Variants in RTN1 observed in about 807,000 individuals in gnomAD.
RTN1 encodes reticulon 1, also known as reticulon-1.
Under a neutral mutation model 65.5 loss-of-function variants are expected in RTN1, and 25 were observed. The ratio of observed to expected loss-of-function variants is 0.38; its 90% CI spans 0.28 to 0.53. RTN1 has a LOEUF of 0.53. Among genes scored for constraint, RTN1 ranks in the 20% least tolerant of loss-of-function variants. RTN1 has a pLI of 0.79. For missense variants in RTN1, 983 were observed against 1,025.4 expected, an observed-to-expected ratio of 0.96 and a Z score of 0.57; for synonymous variants, 471 against 447.6, an observed-to-expected ratio of 1.05 and a Z score of -0.66.
chr14:59,661,259 C>CAAAAA (rs768483248), intron 3 of RTN1, among the ~76,000 whole-genome samples: 61 of 83,208 alleles, frequency 7.3e-4, no homozygotes, highest in East Asian at 7.5e-4. Flanking sequence ...GCCTACCAAC[C>CAAAAA]AAAAAAAAAA....
intron 1 of RTN1, among the ~76,000 whole-genome samples, chr14:59,795,961 A>G (rs1271308078): frequency 6.6e-6 from 1 of 152,208 alleles, no homozygotes; most frequent in African/African-American, 2.4e-5. Context: ...ATTATGTATT[A>G]ATCACCAACT....
At chr14:59,639,804 A>T (rs565459579) in intron 3 of RTN1, among the ~76,000 whole-genome samples, 1 of 152,150 alleles carries the variant, frequency 6.6e-6, no homozygotes, top group African/African-American at 2.4e-5. Context: ...GGATTTTTTT[A>T]TTTTTTTAAT....
intron 1 of RTN1, among the ~76,000 whole-genome samples, chr14:59,814,261 T>C (rs949524654): frequency 6.6e-6 from 1 of 152,190 alleles, no homozygotes; most frequent in African/African-American, 2.4e-5. Context: ...AGATCCAGCA[T>C]GGTCAAGAGC....
intron 3 of RTN1, among the ~76,000 whole-genome samples, chr14:59,655,155 C>T (rs1228701455): frequency 6.6e-6 from 1 of 152,138 alleles, no homozygotes; most frequent in Admixed American, 6.6e-5. Context: ...TATATCTATA[C>T]ACTAGCAGTG....
chr14:59,716,803 C>CA (rs958817485), intron 3 of RTN1, among the ~76,000 whole-genome samples: 2,016 of 122,246 alleles, frequency 0.016, 17 homozygotes, highest in Admixed American at 0.031. Flanking sequence ...TAAAAAAATA[C>CA]AAAAAAAAAA....
intron 3 of RTN1, among the ~76,000 whole-genome samples, chr14:59,682,674 A>C (rs936110437): frequency 3.9e-5 from 6 of 152,360 alleles, no homozygotes; most frequent in Admixed American, 3.3e-4. Flanking sequence ...CATAAAACAG[A>C]AACAATTGTC....
At chr14:59,664,752 C>T (rs1394686311) in intron 3 of RTN1, among the ~76,000 whole-genome samples, 3 of 152,132 alleles carry the variant, frequency 2.0e-5, no homozygotes, top group African/African-American at 7.2e-5. Flanking sequence ...ATTGTTTCAT[C>T]ATTCACCTGC....
chr14:59,727,721 A>G lies in RTN1; in HGVS notation c.1016-53T>C. 3.3e-6 allele frequency: 5 copies of G among 1,514,592 alleles called. No homozygotes were observed. The highest frequency in any genetic ancestry group is 4.4e-6 in the Non-Finnish European group (5 of 1,133,816). The allele number at this position is 1,514,592 out of a possible 1,614,324, so 93.8% of individuals were successfully genotyped here. On this transcript the variant is annotated intron_variant, in intron 2 of 8. Transcript: ENST00000267484. This position sits in a 1 kb window ranked among gnomAD's most constrained non-coding sequence, Gnocchi z 4.2. ...CACGGAGGCACACACACGGACAGAC[A>G]GATGGACAGAGAGAGGAGGGATAAA...
In RTN1 at chr14:59,825,151, C is replaced by T. The variant is rs1285993219; in HGVS notation, c.241+45239G>A. ...AGAGCTGTCCTGTGCATTGTAGAAT[C>T]TTTACCAACATCCCTAGCCTCTACC... On this transcript the variant is annotated intron_variant, in intron 1 of 8. Transcript: ENST00000267484. This position sits in a 1 kb window ranked among gnomAD's most constrained non-coding sequence, Gnocchi z 4.2. Among the ~76,000 whole-genome samples, 1 of 152,210 alleles carries T rather than the reference C, an allele frequency of 6.6e-6. No homozygotes were observed. The highest frequency in any genetic ancestry group is 1.5e-5 in the Non-Finnish European group (1 of 68,024).
intron 3 of RTN1, among the ~76,000 whole-genome samples, chr14:59,704,510 T>G (rs1039848897): frequency 3.9e-5 from 6 of 152,196 alleles, no homozygotes; most frequent in African/African-American, 1.4e-4. Flanking sequence ...AGCAAGCTTT[T>G]GGAGCTTCAA....
chr14:59,727,031 T>A lies in RTN1; in HGVS notation c.1653A>T (p.Pro551=). The change falls in exon 3 of 9, where the codon CCA becomes CCT. Residue 551 remains proline, a synonymous_variant. Transcript: ENST00000267484. This position sits in a 1 kb window ranked among gnomAD's most constrained non-coding sequence, Gnocchi z 4.2. ...GALEPETPML[P]RKPEEDSSSN... The stretch of plus-strand genomic sequence containing the variant: ...AACTCGAGTCTTCTTCAGGCTTCCG[T>A]GGCAACATGGGCGTCTCAGGCTCCA... 6.2e-7 allele frequency: 1 copy of A among 1,613,496 alleles called. No homozygotes were observed. Among genetic ancestry groups the A allele is most frequent in the East Asian group, 2.2e-5 (1 of 44,834 alleles).
intron 3 of RTN1, among the ~76,000 whole-genome samples, chr14:59,608,190 C>G (rs974119186): frequency 2.6e-5 from 4 of 152,186 alleles, no homozygotes; most frequent in African/African-American, 9.7e-5. Flanking sequence ...ACTGAAGGAT[C>G]TATGCAAATT....
intron 1 of RTN1, among the ~76,000 whole-genome samples, chr14:59,791,972 T>C (rs940785378): frequency 7.2e-5 from 11 of 152,034 alleles, no homozygotes; most frequent in Non-Finnish European, 1.5e-4. Flanking sequence ...AATGGGAGAC[T>C]TCTTAGATTT....
Position 59,870,458 on chromosome 14 carries a change from G to T in RTN1, c.173C>A (p.Ala58Glu). The T allele has an allele frequency of 6.7e-7, 1 of 1,493,104 alleles. No individual in the cohort carries two copies. Among genetic ancestry groups the T allele is most frequent in the Admixed American group, 2.3e-5 (1 of 43,758 alleles). 92.5% of individuals were successfully genotyped at this position (1,493,104 alleles called of 1,614,324 possible). ...SPGLGARAREAASREAGSGPA... is the reference protein window; with the variant it reads ...SPGLGARAREEASREAGSGPA... ...GCCCGAGCCGGCTTCCCGCGACGCCGCTTCCCGGGCCCTGGCGCCCAACCC... is the reference window on the plus strand; with the variant it reads ...GCCCGAGCCGGCTTCCCGCGACGCCTCTTCCCGGGCCCTGGCGCCCAACCC... Residue 58 changes from alanine to glutamate, a missense_variant, in exon 1 of 9, where the codon GCG becomes GAG. Ala to Glu is a moderately radical substitution (Grantham distance 107, BLOSUM62 -1). Around this residue, in one of 2 missense-constraint regions of RTN1, gnomAD observed 818 missense variants for 801.8 expected, o/e 1.02. Transcript: ENST00000267484. The surrounding 1 kb of genome is among the most constrained non-coding windows in gnomAD (Gnocchi z 5.1).
At chr14:59,611,201 C>T (rs947131861) in intron 3 of RTN1, among the ~76,000 whole-genome samples, 1 of 152,186 alleles carries the variant, frequency 6.6e-6, no homozygotes, top group African/African-American at 2.4e-5. Flanking sequence ...TGGGCAGTTA[C>T]AAATTTGGGG....
In RTN1 at chr14:59,758,251, C is replaced by T. The variant is rs116879675; in HGVS notation, c.242-11770G>A. On this transcript the variant is annotated intron_variant, in intron 1 of 8. Coordinates refer to ENST00000267484, the MANE Select transcript of RTN1 (RefSeq NM_021136.3). ...AAGTGTTCTCCAGCTTCCAGCCTCACCTCTTCTCACTCTGCACTACTCTGC... is the reference window on the plus strand; with the variant it reads ...AAGTGTTCTCCAGCTTCCAGCCTCATCTCTTCTCACTCTGCACTACTCTGC... 2.1e-4 allele frequency among the ~76,000 whole-genome samples: 32 copies of T among 152,228 alleles called. No homozygotes were observed. In the East Asian group the frequency reaches 5.8e-3, roughly 28 times the overall value.
intron 3 of RTN1, among the ~76,000 whole-genome samples, chr14:59,699,162 C>T (rs1401910237): frequency 1.3e-5 from 2 of 152,036 alleles, no homozygotes; most frequent in Non-Finnish European, 2.9e-5. Flanking sequence ...GTCTTTTATC[C>T]TTTGAGCGCA....
intron 1 of RTN1, among the ~76,000 whole-genome samples, chr14:59,819,688 C>T (rs1043923319): frequency 6.6e-6 from 1 of 152,058 alleles, no homozygotes; most frequent in Non-Finnish European, 1.5e-5. Context: ...TCCGGCATGG[C>T]GGGCTGCAGG....
At chr14:59,665,245 G>C (rs538279728) in intron 3 of RTN1, among the ~76,000 whole-genome samples, 1 of 152,062 alleles carries the variant, frequency 6.6e-6, no homozygotes, top group Non-Finnish European at 1.5e-5. Context: ...CGGATCTCTC[G>C]GCAGAAACTC....
Sources: gnomAD v4.1 joint callset for allele counts (sites outside exome capture counted in the v4.1 genomes callset) on GRCh38, gnomAD v4.1.1 for gene constraint, gnomAD v4.1.1 regional missense constraint, Gnocchi (gnomAD v3.1) non-coding constraint, MANE v1.5 for transcripts, NCBI Gene and HGNC (gene_info 2026-07-23, HGNC 2026-07-21) for gene names.